Variants in DCLK2 observed in about 807,000 individuals in gnomAD.
DCLK2 encodes serine/threonine-protein kinase DCLK2.
Under a neutral mutation model 78.4 loss-of-function variants are expected in DCLK2, and 31 were observed. The ratio of observed to expected loss-of-function variants is 0.40; its 90% CI spans 0.30 to 0.53. The LOEUF (loss-of-function observed/expected upper bound fraction) is 0.53, where lower values mean the gene tolerates loss of function less well. Ranked by LOEUF, DCLK2 falls within the 20% of genes least tolerant of loss-of-function variation. The probability of loss-of-function intolerance (pLI) is 0.61; values close to 1 mark genes in which losing one functional copy is unlikely to be tolerated. For missense variants in DCLK2, 872 were observed against 973.7 expected (o/e 0.90, Z 1.39); for synonymous variants, 407 against 374.9 (o/e 1.09, Z -0.99).
intron 2 of DCLK2, among the ~76,000 whole-genome samples, chr4:150,133,930 A>G (rs184205650): frequency 8.1e-4 from 123 of 152,246 alleles, no homozygotes; most frequent in Admixed American, 1.8e-3. Context: ...AGCCCCAAAT[A>G]TTGTCCAGTT....
intron 2 of DCLK2, among the ~76,000 whole-genome samples, chr4:150,126,708 C>T (rs185700669): frequency 2.6e-5 from 4 of 152,144 alleles, no homozygotes; most frequent in East Asian, 1.9e-4. Flanking sequence ...TCCAGCCTCC[C>T]GTAATGCTGA....
chr4:150,252,978 G>A (rs1269863174), intron 15 of DCLK2, among the ~76,000 whole-genome samples: 2 of 152,168 alleles, frequency 1.3e-5, no homozygotes, highest in African/African-American at 4.8e-5. Flanking sequence ...GTCCCAAAAA[G>A]TGGGAGGGGA....
At chr4:150,173,961 G>T (rs910885811) in intron 2 of DCLK2, among the ~76,000 whole-genome samples, 1 of 152,178 alleles carries the variant, frequency 6.6e-6, no homozygotes, top group African/African-American at 2.4e-5. Context: ...AGTCGAAGGG[G>T]TTATGAATCT....
At chr4:150,081,241 C>T (rs372829012) in intron 1 of DCLK2, among the ~76,000 whole-genome samples, 48 of 152,218 alleles carry the variant, frequency 3.2e-4, no homozygotes, top group African/African-American at 1.1e-3. Flanking sequence ...ATTGACATAA[C>T]GTAAACATGA....
At chr4:150,091,353 ACTGATGTTAGAC>A (rs1730052444) in intron 1 of DCLK2, among the ~76,000 whole-genome samples, 1 of 152,144 alleles carries the variant, frequency 6.6e-6, no homozygotes, top group African/African-American at 2.4e-5. Flanking sequence ...CTAAGATTTT[ACTGATGTTAGAC>A]CTGAAGTGTC....
Position 150,232,340 on chromosome 4 carries a change from C to T in DCLK2, c.1303C>T (p.His435Tyr). 2 of 1,613,824 alleles carry T rather than the reference C, an allele frequency of 1.2e-6. No individual in the cohort carries two copies. The highest frequency in any genetic ancestry group is 2.2e-5 in the East Asian group (1 of 44,884). ...CTCTATACCGTTCATTTGACAGGAA[C>T]ACCTGATTGAGAATGAAGTGTCAAT... Reference protein sequence around the residue: ...IDKAKCCGKEHLIENEVSILR... With the variant: ...IDKAKCCGKEYLIENEVSILR... The change falls in exon 9 of 16, where the codon CAC becomes TAC. Residue 435 changes from histidine (H) to tyrosine (Y), a missense_variant. By Grantham distance (83) the His-to-Tyr change is moderately conservative (BLOSUM62 2). Around this residue, in one of 3 missense-constraint regions of DCLK2, gnomAD observed 567 missense variants for 593.4 expected, o/e 0.96. Transcript: ENST00000296550.
At chr4:150,130,555 A>C (rs537831642) in intron 2 of DCLK2, among the ~76,000 whole-genome samples, 1 of 152,274 alleles carries the variant, frequency 6.6e-6, no homozygotes, top group Non-Finnish European at 1.5e-5. Context: ...GTGAGGACAT[A>C]GTAGGAAATA....
At chr4:150,248,471 A>G in intron 14 of DCLK2, 86 bp downstream of exon 14, 2 of 1,079,504 alleles carry the variant, frequency 1.9e-6, no homozygotes, top group Non-Finnish European at 1.4e-6. Flanking sequence ...TGCACATGCA[A>G]AAGTTATGCA....
intron 1 of DCLK2, among the ~76,000 whole-genome samples, chr4:150,100,488 G>A (rs1730810970): frequency 6.6e-6 from 1 of 151,954 alleles, no homozygotes; most frequent in Non-Finnish European, 1.5e-5. Flanking sequence ...CTTTATGTTG[G>A]GACAGGCTTT....
intron 7 of DCLK2, among the ~76,000 whole-genome samples, chr4:150,224,031 A>T (rs904918942): frequency 2.0e-5 from 3 of 152,126 alleles, no homozygotes; most frequent in Non-Finnish European, 4.4e-5. Flanking sequence ...AACTATTTTG[A>T]GATTTACATA....
chr4:150,154,679 C>T (rs1454305169), intron 2 of DCLK2, among the ~76,000 whole-genome samples: 1 of 152,068 alleles, frequency 6.6e-6, no homozygotes. Context: ...GACAAATGTA[C>T]AGAAATGGAA....
At chr4:150,240,335 C>T (rs1742822260) in intron 11 of DCLK2, 64 bp from the exon 12 acceptor site, 1 of 1,375,530 alleles carries the variant, frequency 7.3e-7, no homozygotes, top group African/African-American at 1.4e-5. Context: ...GGCAATACTC[C>T]AGTACCATGG....
intron 2 of DCLK2, among the ~76,000 whole-genome samples, chr4:150,173,942 C>T (rs1338432062): frequency 6.6e-6 from 1 of 152,174 alleles, no homozygotes; most frequent in Admixed American, 6.5e-5. Flanking sequence ...GATTGCTGAA[C>T]TCCTATGAAG....
chr4:150,232,280 T>C, intron 8 of DCLK2, 57 bp from the exon 9 acceptor site: 1 of 1,584,532 alleles, frequency 6.3e-7, no homozygotes, highest in East Asian at 2.2e-5. Flanking sequence ...CTCCAGGCCT[T>C]CGAGAGCAGA....
At chr4:150,107,765 G>T (rs1731378509) in intron 2 of DCLK2, among the ~76,000 whole-genome samples, 1 of 152,102 alleles carries the variant, frequency 6.6e-6, no homozygotes, top group Non-Finnish European at 1.5e-5. Flanking sequence ...GCTTTGCAGG[G>T]GATTAGATAA....
At chr4:150,232,063 G>A (rs958329510) in intron 8 of DCLK2, among the ~76,000 whole-genome samples, 8 of 152,162 alleles carry the variant, frequency 5.3e-5, no homozygotes, top group Non-Finnish European at 1.2e-4. Context: ...AATGACAAGC[G>A]AGAAGACAGT....
Position 150,102,575 on chromosome 4 carries a change from A to C in DCLK2, c.519A>C (p.Thr173=), listed in dbSNP as rs376730072. 14 of 1,614,094 alleles carry C rather than the reference A, an allele frequency of 8.7e-6. No homozygotes were observed. The highest frequency in any genetic ancestry group is 1.7e-5 in the Admixed American group (1 of 60,000). The part of the protein sequence containing the change: ...PNWSVNIKGG[T]SRALAAASSV... ...GGTCTGTGAACATCAAGGGTGGGAC[A>C]TCCCGAGCGCTGGCTGCTGCCTCCT... Residue 173 remains threonine (T), a synonymous_variant, in exon 2 of 16, where the codon ACA becomes ACC. Coordinates refer to ENST00000296550, the MANE Select transcript of DCLK2 (RefSeq NM_001040260.4).
intron 3 of DCLK2, among the ~76,000 whole-genome samples, chr4:150,195,001 A>G (rs1738756271): frequency 6.8e-6 from 1 of 147,710 alleles, no homozygotes; most frequent in Admixed American, 7.1e-5. Flanking sequence ...TTTCTATATT[A>G]TATTCTGTTG....
intron 7 of DCLK2, among the ~76,000 whole-genome samples, chr4:150,224,207 C>G (rs1347302947): frequency 6.6e-6 from 1 of 151,836 alleles, no homozygotes; most frequent in African/African-American, 2.4e-5. Context: ...CCTGACTCCA[C>G]TAGATATTTT....
Sources: allele counts gnomAD v4.1 joint callset (sites outside exome capture counted in the v4.1 genomes callset), GRCh38; gene constraint gnomAD v4.1.1; regional missense constraint gnomAD v4.1.1; transcripts MANE v1.5; gene names NCBI Gene and HGNC (gene_info 2026-07-23, HGNC 2026-07-21).